Variants in MCC observed in about 807,000 individuals in gnomAD.
MCC encodes the protein colorectal mutant cancer protein.
MCC carries 90 observed loss-of-function variants against 116.2 expected under a neutral mutation model. The ratio of observed to expected loss-of-function variants is 0.77; its 90% CI spans 0.65 to 0.92. The LOEUF (loss-of-function observed/expected upper bound fraction) is 0.92. Among genes scored for constraint, MCC ranks in the 40% least tolerant of loss-of-function variants. The pLI is 0.00. For synonymous variants in MCC, 578 were observed against 510.5 expected, an observed-to-expected ratio of 1.13 and a Z score of -1.78; for missense variants, 1,516 against 1,312.2, an observed-to-expected ratio of 1.16 and a Z score of -2.40.
At chr5:113,148,934 T>C (rs955472766) in intron 4 of MCC, among the ~76,000 whole-genome samples, 10 of 152,120 alleles carry the variant, frequency 6.6e-5, no homozygotes, top group African/African-American at 2.4e-4. Flanking sequence ...CACAGGTAAG[T>C]AAAAAAAGAG....
chr5:113,244,207 G>A (rs957444359), intron 3 of MCC, among the ~76,000 whole-genome samples: 10 of 152,204 alleles, frequency 6.6e-5, no homozygotes, highest in Admixed American at 5.9e-4. Context: ...CATATGTAAT[G>A]TGGATGTAAT....
At chr5:113,111,414 T>C (rs1275176787) in intron 6 of MCC, among the ~76,000 whole-genome samples, 2 of 152,166 alleles carry the variant, frequency 1.3e-5, no homozygotes, top group Non-Finnish European at 2.9e-5. Context: ...TGAATGTGTG[T>C]GCCCTGCGAT....
At position 113,236,189 on chromosome 5, in the gene MCC, T is replaced by C. The variant is rs151337330; in HGVS notation, c.628-84767A>G. Among the ~76,000 whole-genome samples the C allele has an allele frequency of 1.2e-3, 181 of 152,270 alleles. 1 individual carries two copies. Among genetic ancestry groups the C allele is most frequent in the African/African-American group, 3.9e-3 (161 of 41,546 alleles). On this transcript the variant is annotated intron_variant, in intron 3 of 18. Coordinates refer to ENST00000408903, the MANE Select transcript of MCC (RefSeq NM_001085377.2). ...GAGATGGCAGCTGAGAGAGGTGAGGTATGCTTGAGCCTAGGTTTGAAATAA... is the reference window on the plus strand; with the variant it reads ...GAGATGGCAGCTGAGAGAGGTGAGGCATGCTTGAGCCTAGGTTTGAAATAA...
intron 6 of MCC, among the ~76,000 whole-genome samples, chr5:113,122,226 A>T (rs1227721636): frequency 3.9e-5 from 6 of 152,146 alleles, no homozygotes; most frequent in African/African-American, 1.4e-4. Context: ...ACAACTTCCT[A>T]AGGAATATAT....
intron 2 of MCC, among the ~76,000 whole-genome samples, chr5:113,365,208 G>C (rs1768656938): frequency 6.6e-6 from 1 of 152,080 alleles, no homozygotes; most frequent in African/African-American, 2.4e-5. Context: ...TATGAGCATA[G>C]GCTGTTAGAA....
intron 3 of MCC, among the ~76,000 whole-genome samples, chr5:113,330,777 T>C (rs1228241426): frequency 6.6e-6 from 1 of 152,166 alleles, no homozygotes. Flanking sequence ...CTAAATCCCT[T>C]TATCAGAGAT....
intron 13 of MCC, among the ~76,000 whole-genome samples, chr5:113,067,551 G>C (rs540462588): frequency 6.6e-6 from 1 of 152,180 alleles, no homozygotes; most frequent in East Asian, 1.9e-4. Context: ...GCAGGAGGAT[G>C]CTTGAACCTA....
intron 1 of MCC, among the ~76,000 whole-genome samples, chr5:113,456,623 A>AT (rs34111159): frequency 0.11 from 5,459 of 50,992 alleles, 870 homozygotes; most frequent in Non-Finnish European, 0.16. Flanking sequence ...TGCCCAGCTA[A>AT]TTTTTTTTTT....
chr5:113,159,179 C>T (rs535002803), intron 3 of MCC, among the ~76,000 whole-genome samples: 44 of 152,210 alleles, frequency 2.9e-4, no homozygotes, highest in African/African-American at 1.0e-3. Flanking sequence ...GGGTTTGTAT[C>T]GGATTACCTC....
At chr5:113,063,485 A>G (rs1226295281) in intron 14 of MCC, among the ~76,000 whole-genome samples, 1 of 152,200 alleles carries the variant, frequency 6.6e-6, no homozygotes, top group African/African-American at 2.4e-5. Context: ...CCATGAGGCA[A>G]AAGAGATGAG....
chr5:113,460,805 C>T (rs139448085), intron 1 of MCC, among the ~76,000 whole-genome samples: 1,726 of 152,316 alleles, frequency 0.011, 39 homozygotes, highest in Non-Finnish European at 0.011. Context: ...ATCTGCAACA[C>T]CTGACCGTTT....
chr5:113,179,651 C>G lies in MCC; in HGVS notation c.628-28229G>C, dbSNP rs576496731. On this transcript the variant is annotated intron_variant, in intron 3 of 18. Coordinates refer to ENST00000408903, the MANE Select transcript of MCC (RefSeq NM_001085377.2). ...TTCTCATTTACCAATTAATAACATG[C>G]AAGTTCTAGAAAAGACAAAAATGAA... Among the ~76,000 whole-genome samples the G allele has an allele frequency of 1.2e-3, 185 of 152,282 alleles. 1 individual carries two copies. Among genetic ancestry groups the G allele is most frequent in the African/African-American group, 3.9e-3 (161 of 41,558 alleles).
intron 1 of MCC, among the ~76,000 whole-genome samples, chr5:113,406,583 C>T (rs1769840124): frequency 6.6e-6 from 1 of 152,198 alleles, no homozygotes; most frequent in Admixed American, 6.5e-5. Flanking sequence ...TACATCTATA[C>T]TCACTAGTGA....
chr5:113,214,210 C>T (rs1281281658), intron 3 of MCC, among the ~76,000 whole-genome samples: 2 of 152,214 alleles, frequency 1.3e-5, no homozygotes, highest in African/African-American at 4.8e-5. Context: ...GCCCTCCTCT[C>T]ATTCCCCTGG....
chr5:113,034,063 CTT>C (rs35834150), intron 17 of MCC, among the ~76,000 whole-genome samples: 78 of 136,276 alleles, frequency 5.7e-4, no homozygotes, highest in African/African-American at 2.0e-3. Context: ...ATTTTTAAAA[CTT>C]TTTTTTTTTT....
At chr5:113,049,888 C>T (rs1328559701) in intron 15 of MCC, among the ~76,000 whole-genome samples, 1 of 152,214 alleles carries the variant, frequency 6.6e-6, no homozygotes, top group Non-Finnish European at 1.5e-5. Context: ...TCAATAGAAA[C>T]AGCATCCTTC....
intron 3 of MCC, among the ~76,000 whole-genome samples, chr5:113,330,315 G>C (rs943184024): frequency 2.6e-5 from 4 of 152,186 alleles, no homozygotes; most frequent in Non-Finnish European, 5.9e-5. Context: ...AATTTAATTT[G>C]TCTAAACTTA....
intron 11 of MCC, among the ~76,000 whole-genome samples, chr5:113,079,676 T>C (rs892850172): frequency 2.6e-5 from 4 of 152,238 alleles, no homozygotes; most frequent in African/African-American, 9.6e-5. Flanking sequence ...ATTAAAGATT[T>C]AAATGTTAGA....
intron 3 of MCC, among the ~76,000 whole-genome samples, chr5:113,156,370 T>G (rs146273208): frequency 4.6e-5 from 7 of 152,260 alleles, no homozygotes; most frequent in African/African-American, 1.4e-4. Flanking sequence ...ATCCAGAAAG[T>G]GACTAGCAGG....
Sources: gnomAD v4.1 joint callset for allele counts (sites outside exome capture counted in the v4.1 genomes callset) on GRCh38, gnomAD v4.1.1 for gene constraint, MANE v1.5 for transcripts, NCBI Gene and HGNC (gene_info 2026-07-23, HGNC 2026-07-21) for gene names.